Variants in EXD2 observed in about 807,000 individuals in gnomAD.
The protein encoded by EXD2 is exonuclease 3'-5' domain-containing protein 2.
In EXD2, 40 loss-of-function variants were observed where a neutral mutation model predicts 62.5. That is an observed-to-expected ratio of 0.64 (90% CI 0.50 to 0.83). EXD2 has a LOEUF of 0.83. EXD2 is among the 40% of genes least tolerant of loss of function. EXD2 has a pLI of 0.00. For missense variants in EXD2, 671 were observed against 761.8 expected (o/e 0.88, Z 1.40); for synonymous variants, 239 against 291.9 (o/e 0.82, Z 1.85).
chr14:69,226,324 A>G (rs985373287), intron 3 of EXD2, among the ~76,000 whole-genome samples: 10 of 152,236 alleles, frequency 6.6e-5, no homozygotes, highest in African/African-American at 2.2e-4. Flanking sequence ...GAAATAGACA[A>G]TGAGATCAAA....
Position 69,243,911 on chromosome 14 carries a change from C to T in EXD2, c.*2811C>T, listed in dbSNP as rs2044042815. The T allele has an allele frequency of 6.6e-6, 1 of 151,990 alleles. No individual in the cohort carries two copies. The highest frequency in any genetic ancestry group is 1.5e-5 in the Non-Finnish European group (1 of 68,026). The allele number at this position is 151,990 out of a possible 1,614,324, so 9.4% of individuals were successfully genotyped here. A position where few individuals can be genotyped will look rare whatever the true frequency, so the allele number is the denominator to read the frequency against. On this transcript the variant is annotated 3_prime_UTR_variant, in exon 10 of 10. Transcript: ENST00000685843. The stretch of plus-strand genomic sequence containing the variant: ...TTCTTGAGTCCTTCCCTTCTTCCAA[C>T]CTTATTGCCTCATTTCCCCCTTGTA...
chr14:69,230,425 A>G (rs1452930895), intron 4 of EXD2, 47 bp from the exon 5 acceptor site: 1 of 1,399,146 alleles, frequency 7.1e-7, no homozygotes, highest in Admixed American at 2.0e-5. Context: ...TTTCTTGTCC[A>G]TGTCCTTTGC....
chr14:69,209,529 G>T lies in EXD2; in HGVS notation c.59G>T (p.Gly20Val), dbSNP rs1487160169. 6.4e-7 allele frequency: 1 copy of T among 1,550,530 alleles called. No individual in the cohort carries two copies. The highest frequency in any genetic ancestry group is 8.7e-7 in the Non-Finnish European group (1 of 1,146,946). Residue 20 changes from glycine to valine, a missense_variant, in exon 3 of 10, where the codon GGG becomes GTG. Physicochemically the swap from Gly to Val is moderately radical, Grantham distance 109. Transcript: ENST00000685843. ...TVTTLLGVAV[G>V]GFVLWKGIQR... ...ACTACCCTTCTGGGTGTGGCTGTAG[G>T]GGGGTTTGTCCTCTGGAAAGGCATC...
chr14:69,225,499 C>A (rs2043326809), intron 3 of EXD2, among the ~76,000 whole-genome samples: 1 of 152,026 alleles, frequency 6.6e-6, no homozygotes, highest in African/African-American at 2.4e-5. Context: ...AAACTTTGTA[C>A]TTTTGTGTAT....
chr14:69,230,713 T>C, intron 5 of EXD2, 115 bp downstream of exon 5: 1 of 1,214,844 alleles, frequency 8.2e-7, no homozygotes, highest in Non-Finnish European at 1.1e-6. Context: ...TGCCTTAAAA[T>C]AGATTCATTC....
chr14:69,234,804 CAGT>C lies in EXD2; in HGVS notation c.825_827del (p.Ser276del). The stretch of plus-strand genomic sequence containing the variant: ...CACCTGGAGAAAAAAACGATGACCA[CAGT>C]AGCTGGAGAAAAGTCTTGGAAAAAT... On this transcript the variant is annotated inframe_deletion, in exon 6 of 10. Transcript: ENST00000685843. 6.2e-7 allele frequency: 1 copy of C among 1,614,170 alleles called. No individual in the cohort carries two copies. The highest frequency in any genetic ancestry group is 8.5e-7 in the Non-Finnish European group (1 of 1,180,036).
intron 1 of EXD2, chr14:69,196,337 C>T (rs1444604339): frequency 6.6e-6 from 1 of 152,224 alleles, no homozygotes; most frequent in Non-Finnish European, 1.5e-5. Context: ...AGACCTTCAA[C>T]ATATCTTTTT....
At position 69,209,793 on chromosome 14, in the gene EXD2, ACT is replaced by A. The variant is rs2042743377; in HGVS notation, c.324_325del (p.Asp108GlufsTer2). On this transcript the variant is annotated frameshift_variant, in exon 3 of 10. Coordinates refer to ENST00000685843, the MANE Select transcript of EXD2 (RefSeq NM_001193360.2). LOFTEE classifies it high-confidence loss of function. Reference sequence around the variant, plus strand: ...GAAGATTTTCCAGTACTTGGAATTGACTGTGAGTGGGTAAGTTAAAAAGCAAA... The same window carrying A: ...GAAGATTTTCCAGTACTTGGAATTGAGTGAGTGGGTAAGTTAAAAAGCAAA... 6.9e-6 allele frequency: 10 copies of A among 1,453,700 alleles called. No individual in the cohort carries two copies. The highest frequency in any genetic ancestry group is 1.4e-5 in the African/African-American group (1 of 69,198). 90.1% of individuals were successfully genotyped at this position (1,453,700 alleles called of 1,614,324 possible).
intron 2 of EXD2, among the ~76,000 whole-genome samples, chr14:69,204,326 TTGGGAAGG>T (rs2042510691): frequency 5.3e-5 from 8 of 152,268 alleles, no homozygotes; most frequent in African/African-American, 1.4e-4. Context: ...CCCGAGCACT[TTGGGAAGG>T]TGAGGCAGGA....
At chr14:69,238,580 G>A (rs1172577326) in intron 9 of EXD2, among the ~76,000 whole-genome samples, 1 of 150,564 alleles carries the variant, frequency 6.6e-6, no homozygotes, top group Admixed American at 6.6e-5. Flanking sequence ...GTACATGTTT[G>A]GTACAGATAG....
chr14:69,199,749 G>C (rs1052352650), intron 1 of EXD2, among the ~76,000 whole-genome samples: 7 of 152,096 alleles, frequency 4.6e-5, no homozygotes, highest in African/African-American at 1.7e-4. Context: ...GTCTTCAGGG[G>C]CAATAACAGG....
Position 69,234,987 on chromosome 14 carries a change from C to T in EXD2, c.1005C>T (p.Pro335=). 2 of 1,608,584 alleles carry T rather than the reference C, an allele frequency of 1.2e-6. No individual in the cohort carries two copies. Among genetic ancestry groups the T allele is most frequent in the Non-Finnish European group, 1.7e-6 (2 of 1,178,102 alleles). ...MVPGNHQGRD[P]RKHKRKPLGV... The stretch of plus-strand genomic sequence containing the variant: ...CAGGCAACCACCAAGGGAGAGACCC[C>T]AGAAAACATAAAAGAAAGCCTCTGG... Residue 335 remains proline, a synonymous_variant, in exon 6 of 10, where the codon CCC becomes CCT. Transcript: ENST00000685843.
intron 1 of EXD2, among the ~76,000 whole-genome samples, chr14:69,202,801 A>G (rs1244802170): frequency 6.6e-6 from 1 of 152,206 alleles, no homozygotes; most frequent in Non-Finnish European, 1.5e-5. Flanking sequence ...AATAGATGAA[A>G]CATTTGGCTG....
intron 1 of EXD2, among the ~76,000 whole-genome samples, chr14:69,200,749 A>T (rs961157114): frequency 4.0e-5 from 6 of 149,768 alleles, no homozygotes; most frequent in African/African-American, 1.2e-4. Flanking sequence ...TATGTTATAT[A>T]TATTTTACCA....
At chr14:69,207,675 T>A (rs539204859) in intron 2 of EXD2, among the ~76,000 whole-genome samples, 1 of 152,200 alleles carries the variant, frequency 6.6e-6, no homozygotes, top group South Asian at 2.1e-4. Context: ...GTGCCTAGGG[T>A]GTTTTTGTTT....
rs369000595 is a variant in EXD2 at position 69,236,395 on chromosome 14, T to C, written c.1157-12T>C. The C allele has an allele frequency of 1.5e-4, 237 of 1,613,988 alleles. 1 individual carries two copies. The highest frequency in any genetic ancestry group is 3.5e-4 in the Admixed American group (21 of 60,002). ...GGGGGAGCAGTCAAACACTGATGTC[T>C]CTTCTCTTAAGAGCTGGTGAGTGAA... On this transcript the variant is annotated splice_polypyrimidine_tract_variant and intron_variant, in intron 7 of 9. Coordinates refer to ENST00000685843, the MANE Select transcript of EXD2 (RefSeq NM_001193360.2).
chr14:69,193,153 G>C (rs2042091710), intron 1 of EXD2, among the ~76,000 whole-genome samples: 2 of 151,396 alleles, frequency 1.3e-5, no homozygotes, highest in African/African-American at 4.9e-5. Context: ...CTGCCTCCCA[G>C]GTTCAAGCGA....
chr14:69,194,217 C>T (rs2042125644), intron 1 of EXD2, among the ~76,000 whole-genome samples: 1 of 151,406 alleles, frequency 6.6e-6, no homozygotes, highest in African/African-American at 2.4e-5. Flanking sequence ...CAGCTCACTG[C>T]AACCTCTGCC....
At position 69,229,014 on chromosome 14, in the gene EXD2, G is replaced by T; in HGVS notation, c.532G>T (p.Asp178Tyr). 1 of 1,614,204 alleles carries T rather than the reference G, an allele frequency of 6.2e-7. No homozygotes were observed. The highest frequency in any genetic ancestry group is 1.1e-5 in the South Asian group (1 of 91,080). Reference sequence around the variant, plus strand: ...AGAAGATGCCAGCAAGCTTCTGCAGGATTATGGCCTCGTTGTTAGGGGGTG... The same window carrying T: ...AGAAGATGCCAGCAAGCTTCTGCAGTATTATGGCCTCGTTGTTAGGGGGTG... ...CSEDASKLLQ[D>Y]YGLVVRGCLD... The change falls in exon 4 of 10, where the codon GAT becomes TAT. Residue 178 changes from aspartate to tyrosine, a missense_variant. Transcript: ENST00000685843.
Sources: gnomAD v4.1 joint callset for allele counts (sites outside exome capture counted in the v4.1 genomes callset) on GRCh38, gnomAD v4.1.1 for gene constraint, MANE v1.5 for transcripts, NCBI Gene and HGNC (gene_info 2026-07-23, HGNC 2026-07-21) for gene names.